Variants in WNT4 observed in about 807,000 individuals in gnomAD.
The protein encoded by WNT4 is Wnt family member 4.
A neutral mutation model predicts 34.5 loss-of-function variants in WNT4; 16 were observed. That is an observed-to-expected ratio of 0.46 (90% CI 0.31 to 0.70). The LOEUF is 0.70. WNT4 is among the 30% of genes least tolerant of loss of function. The pLI is 0.04. For synonymous variants in WNT4, 200 were observed against 211.9 expected, an observed-to-expected ratio of 0.94 and a Z score of 0.49; for missense variants, 379 against 495.9, an observed-to-expected ratio of 0.76 and a Z score of 2.24.
intron 1 of WNT4, among the ~76,000 whole-genome samples, chr1:22,130,681 G>C (rs1215232347): frequency 6.6e-6 from 1 of 152,224 alleles, no homozygotes; most frequent in Non-Finnish European, 1.5e-5. Context: ...TCTGTAGTAA[G>C]AGAAGGGAAC....
Position 22,140,011 on chromosome 1 carries a change from C to T in WNT4, c.77+2835G>A, listed in dbSNP as rs60386226. The stretch of plus-strand genomic sequence containing the variant: ...CTCCATCCTGCCCAACAGCTGCACG[C>T]GGCGGGACACCTGGCCTCCCCACCA... On this transcript the variant is annotated intron_variant, in intron 1 of 4. Transcript: ENST00000290167. The surrounding 1 kb of genome is among the most constrained non-coding windows in gnomAD (Gnocchi z 5.9). 3.1e-3 allele frequency among the ~76,000 whole-genome samples: 471 copies of T among 152,368 alleles called. 5 individuals are homozygous for T. The highest frequency in any genetic ancestry group is 0.011 in the African/African-American group (440 of 41,594).
intron 2 of WNT4, among the ~76,000 whole-genome samples, chr1:22,126,860 C>T (rs1381387789): frequency 6.6e-6 from 1 of 152,200 alleles, no homozygotes; most frequent in Non-Finnish European, 1.5e-5. Context: ...GCCTTGTTGC[C>T]AGGCAAGGAC....
At chr1:22,132,293 T>C (rs1347972418) in intron 1 of WNT4, among the ~76,000 whole-genome samples, 1 of 152,192 alleles carries the variant, frequency 6.6e-6, no homozygotes, top group Non-Finnish European at 1.5e-5. Flanking sequence ...TCCCACAGCA[T>C]GCAGCCAAGA....
At chr1:22,122,761 G>A (rs754835313) in intron 2 of WNT4, among the ~76,000 whole-genome samples, 2 of 152,202 alleles carry the variant, frequency 1.3e-5, no homozygotes, top group African/African-American at 4.8e-5. Flanking sequence ...AGCAGTCACC[G>A]TGGTCAGATG....
Position 22,142,587 on chromosome 1 carries a change from G to A in WNT4, c.77+259C>T, listed in dbSNP as rs1427170062. On this transcript the variant is annotated intron_variant, in intron 1 of 4. Transcript: ENST00000290167. The surrounding 1 kb of genome is among the most constrained non-coding windows in gnomAD (Gnocchi z 6.0). The stretch of plus-strand genomic sequence containing the variant: ...CTGGCGCCCTCGAGAGCCCCGAGCC[G>A]CCTACCGGTGCGGACGCCGCCACAG... Among the ~76,000 whole-genome samples, 9 of 151,824 alleles carry A rather than the reference G, an allele frequency of 5.9e-5. No homozygotes were observed. The highest frequency in any genetic ancestry group is 5.9e-4 in the Admixed American group (9 of 15,258).
chr1:22,125,827 A>G (rs761324725), intron 2 of WNT4, among the ~76,000 whole-genome samples: 4 of 152,122 alleles, frequency 2.6e-5, no homozygotes, highest in Non-Finnish European at 4.4e-5. Context: ...GCCAGGCGCT[A>G]TGGCCTCCCT....
intron 2 of WNT4, chr1:22,127,243 T>TA (rs1189377401): frequency 4.1e-6 from 2 of 493,536 alleles, no homozygotes; most frequent in African/African-American, 3.9e-5. Context: ...CCAGAGCAGG[T>TA]ACCACCCAGG....
chr1:22,136,142 A>C (rs983496109), intron 1 of WNT4, among the ~76,000 whole-genome samples: 4 of 152,164 alleles, frequency 2.6e-5, no homozygotes, highest in African/African-American at 9.7e-5. Context: ...TCAGGGCCAC[A>C]AAGTAGCCCC....
chr1:22,129,587 C>A, intron 2 of WNT4, 29 bp downstream of exon 2: 2 of 1,601,608 alleles, frequency 1.2e-6, no homozygotes, highest in Non-Finnish European at 1.7e-6. Context: ...CCGCAGGCTC[C>A]CCTGCAGCCC....
rs1249629495 is a variant in WNT4, at chr1:22,139,202, C to G, written c.77+3644G>C. 6.6e-6 allele frequency among the ~76,000 whole-genome samples: 1 copy of G among 152,182 alleles called. No individual in the cohort carries two copies. Among genetic ancestry groups the G allele is most frequent in the Non-Finnish European group, 1.5e-5 (1 of 68,018 alleles). On this transcript the variant is annotated intron_variant, in intron 1 of 4. Transcript: ENST00000290167. This position sits in a 1 kb window ranked among gnomAD's most constrained non-coding sequence, Gnocchi z 4.6. ...TGAAGGCCCGTTTTCTCCACCACCC[C>G]TATCAATAGGGACGCAGCCCTGCAG...
At position 22,133,339 on chromosome 1, in the gene WNT4, C is replaced by T. The variant is rs371831895; in HGVS notation, c.78-3488G>A. On this transcript the variant is annotated intron_variant, in intron 1 of 4. Coordinates refer to ENST00000290167, the MANE Select transcript of WNT4 (RefSeq NM_030761.5). The stretch of plus-strand genomic sequence containing the variant: ...GGATGAGGGAGGAATGTGGGGGCTG[C>T]TGTGGTCTTTTGATCTGCTGAGAGC... Among the ~76,000 whole-genome samples, 69 of 152,242 alleles carry T rather than the reference C, an allele frequency of 4.5e-4. No homozygotes were observed. The East Asian group carries it at 5.6e-3, about 12-fold the overall frequency.
chr1:22,121,655 A>G lies in WNT4; in HGVS notation c.314-79T>C. The G allele has an allele frequency of 2.5e-6, 4 of 1,568,778 alleles. No individual in the cohort carries two copies. The Admixed American group carries it at 5.5e-5, about 22-fold the overall frequency. On this transcript the variant is annotated intron_variant, in intron 2 of 4. Coordinates refer to ENST00000290167, the MANE Select transcript of WNT4 (RefSeq NM_030761.5). ...CTCCTTTGTAGAGGGGGAGGGGCAT[A>G]TGGAGCCTCCTGCTTGCTGGAGGCC...
Position 22,132,120 on chromosome 1 carries a change from G to A in WNT4, c.78-2269C>T, listed in dbSNP as rs373438765. Among the ~76,000 whole-genome samples the A allele has an allele frequency of 5.3e-5, 8 of 152,256 alleles. 1 individual carries two copies. The highest frequency in any genetic ancestry group is 1.9e-4 in the African/African-American group (8 of 41,578). ...GCTACTGGCTGTGGGCCAGGTCCAC[G>A]TTCAGGCCACAGGTGTCCCTCGGTG... On this transcript the variant is annotated intron_variant, in intron 1 of 4. Coordinates refer to ENST00000290167, the MANE Select transcript of WNT4 (RefSeq NM_030761.5).
In WNT4 at chr1:22,140,292, T is replaced by C; in HGVS notation, c.77+2554A>G. The C allele has an allele frequency of 1.0e-6, 1 of 985,426 alleles. No homozygotes were observed. The highest frequency in any genetic ancestry group is 1.2e-6 in the Non-Finnish European group (1 of 829,892). 61.0% of individuals were successfully genotyped at this position (985,426 alleles called of 1,614,324 possible). ...AGAGGCAGCTTTTCAGTCGGACACC[T>C]CTGGCATTTACCAGCTGGGTGACTT... On this transcript the variant is annotated intron_variant, in intron 1 of 4. Transcript: ENST00000290167. The surrounding 1 kb of genome is among the most constrained non-coding windows in gnomAD (Gnocchi z 5.9).
rs1371462210 is a variant in WNT4 at position 22,134,219 on chromosome 1, C to T, written c.78-4368G>A. On this transcript the variant is annotated intron_variant, in intron 1 of 4. Coordinates refer to ENST00000290167, the MANE Select transcript of WNT4 (RefSeq NM_030761.5). The surrounding 1 kb of genome is among the most constrained non-coding windows in gnomAD (Gnocchi z 4.1). ...CATTTAGAGCCTCCTCAGGAGCGGT[C>T]GTGCCTGCGATACCAGGGAGGAAGG... Among the ~76,000 whole-genome samples the T allele has an allele frequency of 6.6e-6, 1 of 152,118 alleles. No homozygotes were observed. The highest frequency in any genetic ancestry group is 1.5e-5 in the Non-Finnish European group (1 of 68,032).
At chr1:22,126,014 G>A (rs1645937852) in intron 2 of WNT4, among the ~76,000 whole-genome samples, 1 of 152,182 alleles carries the variant, frequency 6.6e-6, no homozygotes, top group Non-Finnish European at 1.5e-5. Context: ...TCTAGGGCTT[G>A]GGATTAAGTA....
intron 2 of WNT4, among the ~76,000 whole-genome samples, chr1:22,128,485 GT>G (rs997612288): frequency 5.3e-5 from 8 of 152,102 alleles, no homozygotes; most frequent in African/African-American, 1.7e-4. Context: ...CTATGCCCTG[GT>G]CCCCCTGTCT....
At chr1:22,121,379 G>A (rs1645896802) in intron 3 of WNT4, 26 bp from the exon 4 acceptor site, 2 of 1,613,972 alleles carry the variant, frequency 1.2e-6, no homozygotes, top group Middle Eastern at 1.6e-4. Context: ...CACAGAAAGG[G>A]CTGCGGTGAG....
chr1:22,130,326 T>C (rs1356881875), intron 1 of WNT4, among the ~76,000 whole-genome samples: 2 of 152,216 alleles, frequency 1.3e-5, no homozygotes, highest in East Asian at 3.9e-4. Flanking sequence ...AAGACCAAGA[T>C]CCTCACTGCC....
Sources: gnomAD v4.1 joint callset for allele counts (sites outside exome capture counted in the v4.1 genomes callset) on GRCh38, gnomAD v4.1.1 for gene constraint, Gnocchi (gnomAD v3.1) non-coding constraint, MANE v1.5 for transcripts, NCBI Gene and HGNC (gene_info 2026-07-23, HGNC 2026-07-21) for gene names.